POLRMT: variants seen among roughly 807,000 people sequenced by gnomAD.
POLRMT encodes RNA polymerase mitochondrial.
A neutral mutation model predicts 132.2 loss-of-function variants in POLRMT; 114 were observed. The observed-to-expected ratio is 0.86, with a 90% CI of 0.74 to 1.01. The LOEUF (loss-of-function observed/expected upper bound fraction) is 1.01. POLRMT is among the 50% of genes least tolerant of loss of function. The probability of loss-of-function intolerance (pLI) is 0.00; values close to 1 mark genes in which losing one functional copy is unlikely to be tolerated. For synonymous variants in POLRMT, 1,020 were observed against 773.4 expected, an observed-to-expected ratio of 1.32 and a Z score of -5.29; for missense variants, 2,003 against 1,729.1, an observed-to-expected ratio of 1.16 and a Z score of -2.81.
rs764879301 is a variant in POLRMT, at chr19:617,291, T to G, written c.3676A>C (p.Thr1226Pro). 2.9e-5 allele frequency: 47 copies of G among 1,612,614 alleles called. No homozygotes were observed. In the African/African-American group the frequency reaches 5.2e-4, roughly 18 times the overall value. The change falls in exon 21 of 21, where the codon ACC becomes CCC. Residue 1226 changes from threonine (T) to proline (P), a missense_variant. Thr to Pro is a conservative substitution (Grantham distance 38). Coordinates refer to ENST00000588649, the MANE Select transcript of POLRMT (RefSeq NM_005035.4). ...AFDLEQVKRS[T>P]YFFS The stretch of plus-strand genomic sequence containing the variant: ...ACGGGGTGTCAGCTGAAGAAGTAGG[T>G]GGAACGCTTCACCTGCTCCAGGTCG...
At position 619,891 on chromosome 19, in the gene POLRMT, G is replaced by A. The variant is rs553589031; in HGVS notation, c.2886+67C>T. ...GGACAGGCCAAGGTGAGGGCACCTG[G>A]GGCCGAGACTCAGGGCTCACATTGC... On this transcript the variant is annotated intron_variant, in intron 12 of 20. Coordinates refer to ENST00000588649, the MANE Select transcript of POLRMT (RefSeq NM_005035.4). 145 of 1,592,010 alleles carry A rather than the reference G, an allele frequency of 9.1e-5. 1 individual carries two copies. The South Asian group carries it at 1.5e-3, about 17-fold the overall frequency.
chr19:620,259 A>C lies in POLRMT; in HGVS notation c.2763+106T>G. The C allele has an allele frequency of 2.1e-6, 3 of 1,455,024 alleles. No individual in the cohort carries two copies. The South Asian group carries it at 4.2e-5, about 20-fold the overall frequency. 90.1% of individuals were successfully genotyped at this position (1,455,024 alleles called of 1,614,324 possible). A position where few individuals can be genotyped will look rare whatever the true frequency, so the allele number is the denominator to read the frequency against. On this transcript the variant is annotated intron_variant, in intron 11 of 20. Transcript: ENST00000588649. ...CATGGCTCCCGCACACTCTAGGACC[A>C]CCTCCAGAGAATACCACGAGCGAAG...
intron 2 of POLRMT, among the ~76,000 whole-genome samples, chr19:630,530 C>T (rs991788966): frequency 6.6e-6 from 1 of 152,196 alleles, no homozygotes. Context: ...AGTACCTCCT[C>T]TGGGCTTGCC....
chr19:620,535 G>T lies in POLRMT; in HGVS notation c.2641-48C>A, dbSNP rs747417708. ...GCAGTGAGGCCCGGGCCCGATCCCT[G>T]AGCCCGCTGGGAGGCTGTGTTGCGG... is the stretch of plus-strand genomic sequence containing the variant. On this transcript the variant is annotated intron_variant, in intron 10 of 20. Coordinates refer to ENST00000588649, the MANE Select transcript of POLRMT (RefSeq NM_005035.4). 3.4e-6 allele frequency: 5 copies of T among 1,483,456 alleles called. No homozygotes were observed. In the South Asian group the frequency reaches 4.1e-5, roughly 12 times the overall value. 91.9% of individuals were successfully genotyped at this position (1,483,456 alleles called of 1,614,324 possible). A position where few individuals can be genotyped will look rare whatever the true frequency, so the allele number is the denominator to read the frequency against.
Position 630,088 on chromosome 19 carries a change from G to C in POLRMT, c.274C>G (p.Pro92Ala). The C allele has an allele frequency of 6.2e-7, 1 of 1,613,718 alleles. No homozygotes were observed. The stretch of plus-strand genomic sequence containing the variant: ...CTACCATCTCCACTGCCACATTCTG[G>C]GAGCCGCGCCACATCCACCCTGTTC... ...VVNRVDVARL[P>A]ECGSGDGSLQ... Residue 92 changes from proline (P) to alanine (A), a missense_variant, in exon 3 of 21, where the codon CCA (proline) becomes GCA (alanine). By Grantham distance (27) the Pro-to-Ala change is conservative. Transcript: ENST00000588649.
chr19:620,954 G>A lies in POLRMT; in HGVS notation c.2640+104C>T, dbSNP rs1394065384. 572 of 473,238 alleles carry A rather than the reference G, an allele frequency of 1.2e-3. 13 individuals carry two copies. In the African/African-American group the frequency reaches 0.019, roughly 16 times the overall value. The allele number at this position is 473,238 out of a possible 1,614,324, so 29.3% of individuals were successfully genotyped here. On this transcript the variant is annotated intron_variant, in intron 10 of 20. Transcript: ENST00000588649. ...CGCCAGGGGAGGGGGAGGGGAGGAG[G>A]AAGACGGGCAGGGGGCGCGGGGGCG...
chr19:627,484 T>TG (rs1568174155), intron 3 of POLRMT, among the ~76,000 whole-genome samples: 1 of 151,934 alleles, frequency 6.6e-6, no homozygotes, highest in African/African-American at 2.4e-5. Context: ...AACCTCTGTA[T>TG]GGTAGACCTC....
Position 633,535 on chromosome 19 carries a change from C to CGCCGCCGCCGCCG in POLRMT, c.-24_-23insCGGCGGCGGCGGC. On this transcript the variant is annotated 5_prime_UTR_variant, in exon 1 of 21. Transcript: ENST00000588649. Reference sequence around the variant, plus strand: ...CATTACGCACGCCGCTCCAGGCCACCCCACCGGCCCGCGCCTGCGCATGCG... The same window carrying CGCCGCCGCCGCCG: ...CATTACGCACGCCGCTCCAGGCCACCGCCGCCGCCGCCGCCACCGGCCCGCGCCTGCGCATGCG... 3 of 678,988 alleles carry CGCCGCCGCCGCCG rather than the reference C, an allele frequency of 4.4e-6. No individual in the cohort carries two copies. Among genetic ancestry groups the CGCCGCCGCCGCCG allele is most frequent in the South Asian group, 3.8e-5 (1 of 26,300 alleles). 42.1% of individuals were successfully genotyped at this position (678,988 alleles called of 1,614,324 possible). A position where few individuals can be genotyped will look rare whatever the true frequency, so the allele number is the denominator to read the frequency against.
chr19:630,330 G>A (rs1051220701), intron 2 of POLRMT, among the ~76,000 whole-genome samples, 162 bp from the exon 3 acceptor site: 21 of 152,048 alleles, frequency 1.4e-4, no homozygotes, highest in African/African-American at 4.1e-4. Flanking sequence ...AGGTCTGCCC[G>A]CTGCTTTCCA....
rs201473800 is a variant in POLRMT, at chr19:624,763, G to T, written c.1096C>A (p.Pro366Thr). Residue 366 changes from proline to threonine, a missense_variant, in exon 5 of 21, where the codon CCC (proline) becomes ACC (threonine). Coordinates refer to ENST00000588649, the MANE Select transcript of POLRMT (RefSeq NM_005035.4). ...PTFSLPPQLPPPVNTSKLLRD... is the reference protein window; with the variant it reads ...PTFSLPPQLPTPVNTSKLLRD... ...AGCAGCTTGGAGGTGTTGACCGGGG[G>T]CGGCAGCTGCGGCGGGAGGCTGAAG... is the stretch of plus-strand genomic sequence containing the variant. 1.2e-6 allele frequency: 2 copies of T among 1,613,850 alleles called. No homozygotes were observed. The highest frequency in any genetic ancestry group is 1.7e-6 in the Non-Finnish European group (2 of 1,180,014).
At chr19:633,358 C>A (rs905049691) in intron 1 of POLRMT, 67 bp downstream of exon 1, 2 of 1,399,902 alleles carry the variant, frequency 1.4e-6, no homozygotes, top group Non-Finnish European at 1.9e-6. Context: ...CGCCAAAGGC[C>A]CCGGCCGCGC....
At position 621,232 on chromosome 19, in the gene POLRMT, C is replaced by A. The variant is rs564827758; in HGVS notation, c.2466G>T (p.Arg822=). The A allele has an allele frequency of 5.6e-6, 9 of 1,609,182 alleles. No individual in the cohort carries two copies. The African/African-American group carries it at 6.7e-5, about 12-fold the overall frequency. The change falls in exon 10 of 21, where the codon CGG becomes CGT. Residue 822 remains arginine, a synonymous_variant. Transcript: ENST00000588649. ...GGCCCTGGGCGAACTCCAGCAGGGC[C>A]CGCGCCACGTCGCTGCCCAGGTGGT... ...HFNHLGSDVA[R]ALLEFAQGRP...
intron 5 of POLRMT, among the ~76,000 whole-genome samples, chr19:624,091 A>G (rs1349887315): frequency 6.6e-6 from 1 of 152,242 alleles, no homozygotes; most frequent in Non-Finnish European, 1.5e-5. Flanking sequence ...AACGTCCCAT[A>G]AACGGACGAA....
chr19:619,337 G>A lies in POLRMT; in HGVS notation c.3067-41C>T, dbSNP rs55759073. On this transcript the variant is annotated intron_variant, in intron 13 of 20. Transcript: ENST00000588649. ...AGCAGGTGCAGGTCCTCAGGGGCTG[G>A]CCCGTTCACGCCCTACTCCCCCCTA... The A allele has an allele frequency of 0.037, 58,133 of 1,574,166 alleles. 2,768 individuals carry two copies. The highest frequency in any genetic ancestry group is 0.2 in the South Asian group (18,489 of 90,272).
intron 2 of POLRMT, among the ~76,000 whole-genome samples, chr19:630,814 A>G (rs1367897413): frequency 6.6e-6 from 1 of 152,220 alleles, no homozygotes; most frequent in African/African-American, 2.4e-5. Flanking sequence ...CATTTTTGCC[A>G]ACCAATCAAT....
Position 618,727 on chromosome 19 carries a change from T to C in POLRMT, c.3301A>G (p.Thr1101Ala). The C allele has an allele frequency of 6.2e-7, 1 of 1,606,942 alleles. No homozygotes were observed. The highest frequency in any genetic ancestry group is 8.5e-7 in the Non-Finnish European group (1 of 1,177,182). The change falls in exon 16 of 21, where the codon ACC becomes GCC. Residue 1101 changes from threonine (T) to alanine (A), a missense_variant. Transcript: ENST00000588649. ...IGGGIQSITY[T>A]HNGDISRKPN... The stretch of plus-strand genomic sequence containing the variant: ...CACCGGCTGATGTCTCCGTTGTGGG[T>C]GTAGGTGATGCTCTGAATTCCACCT...
intron 9 of POLRMT, 105 bp downstream of exon 9, chr19:622,044 G>C: frequency 8.2e-7 from 1 of 1,221,256 alleles, no homozygotes. Flanking sequence ...GGGAGGTACT[G>C]ACGGCTGCGC....
intron 2 of POLRMT, among the ~76,000 whole-genome samples, chr19:630,629 C>T (rs963242949): frequency 6.6e-6 from 1 of 152,134 alleles, no homozygotes; most frequent in Non-Finnish European, 1.5e-5. Flanking sequence ...GACCCTGAAC[C>T]GCCCACTCCC....
rs984473140 is a variant in POLRMT, at chr19:624,654, G to C, written c.1140+65C>G. The C allele has an allele frequency of 1.1e-5, 17 of 1,547,324 alleles. No individual in the cohort carries two copies. The African/African-American group carries it at 2.0e-4, about 19-fold the overall frequency. ...GGGGAGGCCCATTGGTCTGAGCTGA[G>C]GCTCCAGGAACCCCCAAAGGGCAGC... On this transcript the variant is annotated intron_variant, in intron 5 of 20. Transcript: ENST00000588649.
Sources: gnomAD v4.1 joint callset for allele counts (sites outside exome capture counted in the v4.1 genomes callset) on GRCh38, gnomAD v4.1.1 for gene constraint, MANE v1.5 for transcripts, NCBI Gene and HGNC (gene_info 2026-07-23, HGNC 2026-07-21) for gene names.